VPS26A: variants seen among roughly 807,000 people sequenced by gnomAD.
VPS26A encodes the protein VPS26 retromer complex component A, also known as vacuolar protein sorting-associated protein 26A.
VPS26A carries 22 observed loss-of-function variants against 42.4 expected under a neutral mutation model. The ratio of observed to expected loss-of-function variants is 0.52; its 90% CI spans 0.37 to 0.74. VPS26A has a LOEUF of 0.74. Ranked by LOEUF, VPS26A falls within the 30% of genes least tolerant of loss-of-function variation. The pLI, the probability that VPS26A is intolerant of heterozygous loss-of-function variation, is 0.00. For missense variants in VPS26A, 276 were observed against 379.2 expected (o/e 0.73, Z 2.26); for synonymous variants, 110 against 123.5 (o/e 0.89, Z 0.73).
chr10:69,158,068 A>G lies in VPS26A; in HGVS notation c.408A>G (p.Ile136Met), dbSNP rs1267035519. Residue 136 changes from isoleucine to methionine, a missense_variant, in exon 5 of 9, where the codon ATA becomes ATG. Ile to Met is a conservative substitution (Grantham distance 10). Coordinates refer to ENST00000263559, the MANE Select transcript of VPS26A (RefSeq NM_004896.5). The part of the protein sequence containing the change: ...VRLRYFLKVT[I>M]VRRLTDLVKE... ...GTAGGTATTTTCTTAAAGTGACAAT[A>G]GTGAGAAGACTGACAGATTTGGTAA... The G allele has an allele frequency of 6.2e-7, 1 of 1,608,158 alleles. No homozygotes were observed. Among genetic ancestry groups the G allele is most frequent in the East Asian group, 2.2e-5 (1 of 44,634 alleles).
chr10:69,133,088 T>C (rs762758958), intron 2 of VPS26A, 41 bp downstream of exon 2: 12 of 1,581,984 alleles, frequency 7.6e-6, no homozygotes, highest in African/African-American at 2.7e-5. Context: ...TTGTAAGATA[T>C]CAGAATTAGT....
In VPS26A at chr10:69,158,215, A is replaced by C. The variant is rs1242858529; in HGVS notation, c.551+4A>C. ...AATTTGAATATAATAAATCAAAGTA[A>C]GTATCATTCACAGATAAGTTGTTCA... is the stretch of plus-strand genomic sequence containing the variant. On this transcript the variant is annotated splice_donor_region_variant and intron_variant, in intron 5 of 8. Transcript: ENST00000263559. 3 of 1,575,074 alleles carry C rather than the reference A, an allele frequency of 1.9e-6. No homozygotes were observed. The African/African-American group carries it at 4.1e-5, about 22-fold the overall frequency.
chr10:69,171,255 C>A lies in VPS26A; in HGVS notation c.970C>A (p.Gln324Lys). ...ESPESQASAE[Q>K]PEM ...TCCAGAATCACAGGCATCTGCCGAA[C>A]AGCCTGAAATGTGAACTGAACAGGA... Residue 324 changes from glutamine to lysine, a missense_variant, in exon 9 of 9, where the codon CAG becomes AAG. By Grantham distance (53) the Gln-to-Lys change is moderately conservative. Coordinates refer to ENST00000263559, the MANE Select transcript of VPS26A (RefSeq NM_004896.5). The A allele has an allele frequency of 6.2e-7, 1 of 1,613,508 alleles. No homozygotes were observed. The highest frequency in any genetic ancestry group is 8.5e-7 in the Non-Finnish European group (1 of 1,179,832).
chr10:69,142,691 CTT>C (rs1225623394), intron 2 of VPS26A, among the ~76,000 whole-genome samples: 1 of 149,862 alleles, frequency 6.7e-6, no homozygotes, highest in African/African-American at 2.5e-5. Context: ...ATTTGGCACA[CTT>C]ATTTTAATAT....
intron 5 of VPS26A, among the ~76,000 whole-genome samples, chr10:69,158,417 T>C (rs1841479855): frequency 6.6e-6 from 1 of 152,108 alleles, no homozygotes; most frequent in African/African-American, 2.4e-5. Context: ...CTGATAAATC[T>C]CTGCTTGGCC....
rs1841859176 is a variant in VPS26A at position 69,173,363 on chromosome 10, A to T, written c.*2094A>T. Among the ~76,000 whole-genome samples the T allele has an allele frequency of 6.6e-6, 1 of 152,170 alleles. No homozygotes were observed. Among genetic ancestry groups the T allele is most frequent in the African/African-American group, 2.4e-5 (1 of 41,446 alleles). ...TTAAAAACAAAACAACCTCAAAAAA[A>T]TACCTGTCATCTCAGCCACTTCAGG... On this transcript the variant is annotated 3_prime_UTR_variant, in exon 9 of 9. Transcript: ENST00000263559.
intron 2 of VPS26A, among the ~76,000 whole-genome samples, chr10:69,152,017 TA>T (rs1434499377): frequency 6.6e-6 from 1 of 152,052 alleles, no homozygotes; most frequent in African/African-American, 2.4e-5. Flanking sequence ...CCTTTTTTTT[TA>T]AAGAGGCCTG....
intron 5 of VPS26A, among the ~76,000 whole-genome samples, chr10:69,159,990 T>C (rs1841516049): frequency 6.6e-6 from 1 of 152,166 alleles, no homozygotes; most frequent in Non-Finnish European, 1.5e-5. Context: ...TTTTTATTGG[T>C]TGTCACTCCC....
chr10:69,169,821 C>A (rs1376338049), intron 8 of VPS26A, among the ~76,000 whole-genome samples: 1 of 152,036 alleles, frequency 6.6e-6, no homozygotes, highest in African/African-American at 2.4e-5. Context: ...GTTGACCAGG[C>A]TGGTCTCGAA....
chr10:69,126,578 A>G (rs999599156), intron 1 of VPS26A, among the ~76,000 whole-genome samples: 2 of 151,846 alleles, frequency 1.3e-5, no homozygotes, highest in African/African-American at 2.4e-5. Context: ...AAAAAAAAAA[A>G]AAAAAAAAAA....
At chr10:69,146,489 G>T (rs1023474152) in intron 2 of VPS26A, among the ~76,000 whole-genome samples, 1 of 152,170 alleles carries the variant, frequency 6.6e-6, no homozygotes, top group Non-Finnish European at 1.5e-5. Context: ...TAATTCCATT[G>T]ATAATGTTTT....
At chr10:69,147,302 AT>A (rs1443780367) in intron 2 of VPS26A, among the ~76,000 whole-genome samples, 3 of 151,966 alleles carry the variant, frequency 2.0e-5, no homozygotes, top group African/African-American at 4.8e-5. Context: ...TTCTTTATAT[AT>A]TCTGGTTACA....
intron 2 of VPS26A, among the ~76,000 whole-genome samples, chr10:69,150,761 C>G (rs532880868): frequency 6.6e-6 from 1 of 152,204 alleles, no homozygotes; most frequent in South Asian, 2.1e-4. Context: ...ATCATGTCTC[C>G]AACTTACTCT....
intron 1 of VPS26A, among the ~76,000 whole-genome samples, chr10:69,132,506 G>C (rs567529344): frequency 6.6e-6 from 1 of 150,894 alleles, no homozygotes; most frequent in East Asian, 2.0e-4. Flanking sequence ...GCAATGGCGC[G>C]ATCTTGGCTC....
At chr10:69,154,079 G>A (rs181060796) in intron 2 of VPS26A, among the ~76,000 whole-genome samples, 6 of 152,278 alleles carry the variant, frequency 3.9e-5, no homozygotes, top group East Asian at 1.9e-4. Context: ...GTACTTGAAC[G>A]GAGCCCTGAC....
intron 2 of VPS26A, among the ~76,000 whole-genome samples, chr10:69,144,075 C>G (rs1332460258): frequency 6.6e-6 from 1 of 151,290 alleles, no homozygotes; most frequent in African/African-American, 2.5e-5. Context: ...TCCAGCAGTT[C>G]TACTCCTAGA....
chr10:69,129,146 T>TAA (rs1227947024), intron 1 of VPS26A, among the ~76,000 whole-genome samples: 1 of 152,154 alleles, frequency 6.6e-6, no homozygotes, highest in African/African-American at 2.4e-5. Flanking sequence ...TCAATATAAC[T>TAA]GATTTTGTTT....
intron 7 of VPS26A, among the ~76,000 whole-genome samples, chr10:69,167,975 G>T (rs1841730284): frequency 6.6e-6 from 1 of 152,060 alleles, no homozygotes; most frequent in Non-Finnish European, 1.5e-5. Flanking sequence ...CTTATCTGTT[G>T]GCACTGTTTG....
intron 5 of VPS26A, among the ~76,000 whole-genome samples, chr10:69,159,648 T>C (rs1015040455): frequency 2.0e-4 from 31 of 152,176 alleles, no homozygotes; most frequent in Non-Finnish European, 7.4e-5. Flanking sequence ...TTGTTTTCTG[T>C]GTCTATTCAG....
Sources: gnomAD v4.1 joint callset for allele counts (sites outside exome capture counted in the v4.1 genomes callset) on GRCh38, gnomAD v4.1.1 for gene constraint, MANE v1.5 for transcripts, NCBI Gene and HGNC (gene_info 2026-07-23, HGNC 2026-07-21) for gene names.